Variants in NRXN3 observed in about 807,000 individuals in gnomAD.
NRXN3 encodes neurexin III.
In NRXN3, 32 loss-of-function variants were observed where a neutral mutation model predicts 137.6. The ratio of observed to expected loss-of-function variants is 0.23; its 90% CI spans 0.18 to 0.31. The LOEUF is 0.31. NRXN3 is among the 10% of genes least tolerant of loss of function. The probability of loss-of-function intolerance (pLI) is 1.00; values close to 1 mark genes in which losing one functional copy is unlikely to be tolerated. For missense variants in NRXN3, 1,574 were observed against 2,062.5 expected (o/e 0.76, Z 4.59); for synonymous variants, 798 against 784.5 (o/e 1.02, Z -0.29).
chr14:78,925,595 C>A (rs1423199999), intron 10 of NRXN3, among the ~76,000 whole-genome samples: 1 of 152,170 alleles, frequency 6.6e-6, no homozygotes, highest in East Asian at 1.9e-4. Context: ...CTGAAAGGAA[C>A]GTGCCAATTA....
chr14:78,991,149 C>T (rs2099518018), intron 15 of NRXN3, among the ~76,000 whole-genome samples: 1 of 152,004 alleles, frequency 6.6e-6, no homozygotes, highest in Non-Finnish European at 1.5e-5. Flanking sequence ...AAGATAAGCT[C>T]ATGGAGGAGG....
intron 10 of NRXN3, among the ~76,000 whole-genome samples, chr14:78,896,326 A>G (rs2099174593): frequency 6.6e-6 from 1 of 151,878 alleles, no homozygotes; most frequent in East Asian, 1.9e-4. Context: ...AAAGTAAAAC[A>G]TATTTTTTAT....
chr14:78,958,323 G>A (rs2099400790), intron 11 of NRXN3, among the ~76,000 whole-genome samples: 1 of 151,626 alleles, frequency 6.6e-6, no homozygotes, highest in South Asian at 2.1e-4. Flanking sequence ...GTATCATCAA[G>A]TGCCATTTTA....
intron 19 of NRXN3, among the ~76,000 whole-genome samples, chr14:79,730,720 A>ATAGT (rs2098919036): frequency 6.6e-6 from 1 of 152,204 alleles, no homozygotes; most frequent in South Asian, 2.1e-4. Context: ...AGTTATTTAT[A>ATAGT]TAGTTAGAAT....
chr14:79,133,042 C>T (rs1476472540), intron 15 of NRXN3, among the ~76,000 whole-genome samples: 1 of 152,224 alleles, frequency 6.6e-6, no homozygotes, highest in African/African-American at 2.4e-5. Flanking sequence ...GCGCTGGCAG[C>T]TGAAGGCTGT....
At chr14:78,561,022 T>TAA (rs2096781556) in intron 4 of NRXN3, among the ~76,000 whole-genome samples, 1 of 152,208 alleles carries the variant, frequency 6.6e-6, no homozygotes, top group Non-Finnish European at 1.5e-5. Context: ...TTCCCAAATT[T>TAA]TAGTGACTTA....
At chr14:78,763,545 T>C (rs1230601398) in intron 8 of NRXN3, among the ~76,000 whole-genome samples, 1 of 151,994 alleles carries the variant, frequency 6.6e-6, no homozygotes, top group Non-Finnish European at 1.5e-5. Flanking sequence ...TACCAAGCAC[T>C]GTGTTAAGAG....
chr14:79,488,839 T>C (rs1204536419), intron 16 of NRXN3, among the ~76,000 whole-genome samples: 4 of 152,160 alleles, frequency 2.6e-5, no homozygotes, highest in African/African-American at 4.8e-5. Flanking sequence ...ATGATCTCTT[T>C]GGGGGATCCC....
At chr14:78,621,231 G>A (rs1395637005) in intron 4 of NRXN3, among the ~76,000 whole-genome samples, 1 of 152,054 alleles carries the variant, frequency 6.6e-6, no homozygotes, top group East Asian at 1.9e-4. Context: ...CTAGATGAGA[G>A]GCACAAAGAA....
At chr14:78,433,921 G>C (rs1018134738) in intron 4 of NRXN3, among the ~76,000 whole-genome samples, 1 of 152,078 alleles carries the variant, frequency 6.6e-6, no homozygotes, top group African/African-American at 2.4e-5. Context: ...GACTTACAAC[G>C]AGGTGATGTC....
At chr14:79,568,151 G>C (rs1192616375) in intron 16 of NRXN3, among the ~76,000 whole-genome samples, 1 of 152,144 alleles carries the variant, frequency 6.6e-6, no homozygotes, top group Non-Finnish European at 1.5e-5. Context: ...ATTCCACACA[G>C]TTTCCATCCC....
At chr14:79,569,349 AGAAAACTCTTT>A (rs1440959026) in intron 16 of NRXN3, among the ~76,000 whole-genome samples, 2 of 152,142 alleles carry the variant, frequency 1.3e-5, no homozygotes, top group Non-Finnish European at 2.9e-5. Context: ...GCACAAACGG[AGAAAACTCTTT>A]GAAAACATCT....
chr14:79,486,354 T>C (rs1322364098), intron 16 of NRXN3, among the ~76,000 whole-genome samples: 1 of 152,236 alleles, frequency 6.6e-6, no homozygotes, highest in African/African-American at 2.4e-5. Flanking sequence ...ACATTGCTTA[T>C]ATTATCACAC....
intron 19 of NRXN3, among the ~76,000 whole-genome samples, chr14:79,779,275 C>T (rs563467760): frequency 7.0e-4 from 107 of 152,172 alleles, no homozygotes; most frequent in African/African-American, 2.3e-3. Context: ...CACCCATGCC[C>T]GGCTTTTTTG....
At chr14:78,475,626 A>G (rs2095365309) in intron 4 of NRXN3, among the ~76,000 whole-genome samples, 1 of 152,202 alleles carries the variant, frequency 6.6e-6, no homozygotes, top group African/African-American at 2.4e-5. Context: ...CCTACAAATT[A>G]CCGCTGACAA....
At chr14:78,517,435 A>G (rs2096225323) in intron 4 of NRXN3, among the ~76,000 whole-genome samples, 1 of 152,148 alleles carries the variant, frequency 6.6e-6, no homozygotes, top group African/African-American at 2.4e-5. Flanking sequence ...AACTGTGGTT[A>G]CAGCACAGTT....
rs185166773 is a variant in NRXN3, at chr14:79,719,381, T to C, written c.4014+21444T>C. On this transcript the variant is annotated intron_variant, in intron 19 of 20. Transcript: ENST00000335750. ...TGTATTGTGTGTATGTGTATATATA[T>C]GTGTGTGTATATATATGTGTGTATA... 3.3e-3 allele frequency among the ~76,000 whole-genome samples: 471 copies of C among 141,540 alleles called. 6 individuals carry two copies. The highest frequency in any genetic ancestry group is 0.012 in the African/African-American group (448 of 36,866). The allele number at this position is 141,540 out of a possible 152,430, so 92.9% of individuals were successfully genotyped here.
At chr14:79,427,984 CGTGTGTGTGTGCGT>C in intron 15 of NRXN3, among the ~76,000 whole-genome samples, 2 of 151,916 alleles carry the variant, frequency 1.3e-5, no homozygotes, top group South Asian at 4.2e-4. Context: ...ACGTTCTGCA[CGTGTGTGTGTGCGT>C]GTGTGTGTGT....
At chr14:78,527,222 T>A (rs552304953) in intron 4 of NRXN3, among the ~76,000 whole-genome samples, 1 of 152,202 alleles carries the variant, frequency 6.6e-6, no homozygotes, top group African/African-American at 2.4e-5. Flanking sequence ...GAGGTTTAAT[T>A]GGCTCATGGT....
Sources: allele counts gnomAD v4.1 joint callset (sites outside exome capture counted in the v4.1 genomes callset), GRCh38; gene constraint gnomAD v4.1.1; transcripts MANE v1.5; gene names NCBI Gene and HGNC (gene_info 2026-07-23, HGNC 2026-07-21).